Variants in ACVR1 observed in about 807,000 individuals in gnomAD.
ACVR1 encodes the protein activin receptor type-1.
ACVR1 carries 38 observed loss-of-function variants against 57.1 expected under a neutral mutation model. The observed-to-expected ratio is 0.67, with a 90% CI of 0.51 to 0.87. The LOEUF (loss-of-function observed/expected upper bound fraction) is 0.87, where lower values mean the gene tolerates loss of function less well. Ranked by LOEUF, ACVR1 falls within the 40% of genes least tolerant of loss-of-function variation. The pLI, the probability that ACVR1 is intolerant of heterozygous loss-of-function variation, is 0.00. For synonymous variants in ACVR1, 212 were observed against 228.1 expected (o/e 0.93, Z 0.63); for missense variants, 463 against 638.2 (o/e 0.73, Z 2.96).
intron 3 of ACVR1, among the ~76,000 whole-genome samples, chr2:157,796,113 T>C (rs1402483315): frequency 6.6e-6 from 1 of 151,222 alleles, no homozygotes; most frequent in Non-Finnish European, 1.5e-5. Flanking sequence ...TCCCAGCTAC[T>C]TGGGAGGCTG....
intron 2 of ACVR1, among the ~76,000 whole-genome samples, chr2:157,802,395 C>A (rs1018288113): frequency 3.3e-5 from 5 of 152,040 alleles, no homozygotes; most frequent in South Asian, 4.2e-4. Context: ...TCGGCGAATA[C>A]CCAAGAAGGC....
intron 1 of ACVR1, among the ~76,000 whole-genome samples, chr2:157,853,976 C>G (rs139125847): frequency 2.5e-3 from 388 of 152,310 alleles, no homozygotes; most frequent in Non-Finnish European, 4.4e-3. Flanking sequence ...GTTTCCCCCT[C>G]TGGGTCACTG....
intron 1 of ACVR1, among the ~76,000 whole-genome samples, chr2:157,823,740 C>T (rs1279357335): frequency 6.6e-6 from 1 of 152,130 alleles, no homozygotes; most frequent in African/African-American, 2.4e-5. Flanking sequence ...GCCTACACTC[C>T]GTAACCTCGA....
intron 9 of ACVR1, among the ~76,000 whole-genome samples, chr2:157,741,054 G>A (rs762507895): frequency 5.3e-5 from 8 of 152,130 alleles, no homozygotes; most frequent in Non-Finnish European, 8.8e-5. Context: ...GTAGGATGCC[G>A]TATTAAATGC....
chr2:157,746,758 C>G (rs558663007), intron 9 of ACVR1, among the ~76,000 whole-genome samples: 30 of 152,214 alleles, frequency 2.0e-4, no homozygotes, highest in Non-Finnish European at 4.0e-4. Context: ...CGAGTGAACC[C>G]CTGCCTTAAG....
At chr2:157,782,636 A>G (rs1686566067) in intron 3 of ACVR1, among the ~76,000 whole-genome samples, 1 of 152,194 alleles carries the variant, frequency 6.6e-6, no homozygotes, top group South Asian at 2.1e-4. Context: ...TGAATGGCAC[A>G]AAGCAGGCTG....
intron 2 of ACVR1, among the ~76,000 whole-genome samples, chr2:157,801,287 A>G (rs1687318957): frequency 6.6e-6 from 1 of 152,212 alleles, no homozygotes; most frequent in African/African-American, 2.4e-5. Flanking sequence ...TACAGAGTAC[A>G]ACCATGTACT....
intron 5 of ACVR1, among the ~76,000 whole-genome samples, chr2:157,775,846 A>G (rs1433052685): frequency 6.6e-6 from 1 of 152,246 alleles, no homozygotes; most frequent in Non-Finnish European, 1.5e-5. Context: ...CAAGACTAAC[A>G]AACGTATATC....
chr2:157,827,157 T>G (rs1297148705), intron 1 of ACVR1, among the ~76,000 whole-genome samples: 1 of 151,682 alleles, frequency 6.6e-6, no homozygotes, highest in African/African-American at 2.4e-5. Context: ...CTAAGAAAAA[T>G]TTTCACCAGA....
intron 3 of ACVR1, among the ~76,000 whole-genome samples, chr2:157,797,053 T>C (rs1161301070): frequency 1.3e-5 from 2 of 152,138 alleles, no homozygotes; most frequent in Non-Finnish European, 2.9e-5. Flanking sequence ...ATCACAGCAG[T>C]AGGAAAAAAC....
intron 3 of ACVR1, among the ~76,000 whole-genome samples, chr2:157,781,697 A>T (rs1260161532): frequency 3.9e-5 from 6 of 152,018 alleles, no homozygotes; most frequent in Admixed American, 2.0e-4. Context: ...ACATCTAATC[A>T]CTCTGCTTAA....
chr2:157,743,851 A>G (rs1417478878), intron 9 of ACVR1, among the ~76,000 whole-genome samples: 1 of 152,144 alleles, frequency 6.6e-6, no homozygotes, highest in Non-Finnish European at 1.5e-5. Flanking sequence ...CAGATAAGAA[A>G]CTGTGGACCT....
intron 7 of ACVR1, among the ~76,000 whole-genome samples, chr2:157,767,973 CA>C (rs1156803101): frequency 6.6e-6 from 1 of 152,156 alleles, no homozygotes; most frequent in Non-Finnish European, 1.5e-5. Flanking sequence ...AAGTAGATCG[CA>C]TAATTGATAT....
At chr2:157,759,828 T>G (rs1685574108) in intron 9 of ACVR1, among the ~76,000 whole-genome samples, 1 of 152,070 alleles carries the variant, frequency 6.6e-6, no homozygotes, top group South Asian at 2.1e-4. Flanking sequence ...ATCAACAGAA[T>G]CAAAGACAAA....
At chr2:157,768,375 A>T (rs1685950408) in intron 7 of ACVR1, among the ~76,000 whole-genome samples, 1 of 152,186 alleles carries the variant, frequency 6.6e-6, no homozygotes, top group South Asian at 2.1e-4. Flanking sequence ...TGATTTTCTT[A>T]AAAAATACCC....
chr2:157,802,191 G>C (rs78495325), intron 2 of ACVR1, among the ~76,000 whole-genome samples: 351 of 152,310 alleles, frequency 2.3e-3, no homozygotes, highest in Non-Finnish European at 2.8e-3. Context: ...AAAAGGGTAA[G>C]TGTGTTGGGA....
At chr2:157,833,978 C>A (rs963770502) in intron 1 of ACVR1, among the ~76,000 whole-genome samples, 3 of 152,208 alleles carry the variant, frequency 2.0e-5, no homozygotes, top group African/African-American at 7.2e-5. Context: ...TCTCTTAGAA[C>A]TTCTAACCAA....
intron 1 of ACVR1, among the ~76,000 whole-genome samples, chr2:157,842,835 T>C (rs147487523): frequency 3.5e-4 from 54 of 152,318 alleles, no homozygotes; most frequent in African/African-American, 1.2e-3. Context: ...CAGGGGACTG[T>C]TCTAAGGTTC....
intron 3 of ACVR1, among the ~76,000 whole-genome samples, chr2:157,797,947 C>T (rs895716513): frequency 2.0e-5 from 3 of 152,174 alleles, no homozygotes; most frequent in African/African-American, 7.2e-5. Context: ...AGAGAAGGTG[C>T]CGTCTATGAG....
Sources: gnomAD v4.1 joint callset for allele counts (sites outside exome capture counted in the v4.1 genomes callset) on GRCh38, gnomAD v4.1.1 for gene constraint, MANE v1.5 for transcripts, NCBI Gene and HGNC (gene_info 2026-07-23, HGNC 2026-07-21) for gene names.